Variants in EIF4G3 observed in about 807,000 individuals in gnomAD.
EIF4G3 encodes eIF-4-gamma 3.
In EIF4G3, 34 loss-of-function variants were observed where a neutral mutation model predicts 186.4. The observed-to-expected ratio is 0.18, with a 90% CI of 0.14 to 0.24. The LOEUF (loss-of-function observed/expected upper bound fraction) is 0.24, where lower values mean the gene tolerates loss of function less well. EIF4G3 is among the 10% of genes least tolerant of loss of function. EIF4G3 has a pLI of 1.00. For synonymous variants in EIF4G3, 673 were observed against 679.5 expected (o/e 0.99, Z 0.15); for missense variants, 1,536 against 1,948.5 (o/e 0.79, Z 3.99).
At chr1:21,142,358 T>C (rs1236051982) in intron 2 of EIF4G3, among the ~76,000 whole-genome samples, 1 of 149,402 alleles carries the variant, frequency 6.7e-6, no homozygotes, top group Non-Finnish European at 1.5e-5. Context: ...ATACAAAAAT[T>C]AGCCAGTGTG....
At chr1:20,920,859 T>A (rs1459418197) in intron 14 of EIF4G3, among the ~76,000 whole-genome samples, 1 of 152,202 alleles carries the variant, frequency 6.6e-6, no homozygotes, top group Admixed American at 6.5e-5. Flanking sequence ...TTCCTGATAG[T>A]AAATGCAGGA....
chr1:20,923,023 T>A (rs947404026), intron 14 of EIF4G3, among the ~76,000 whole-genome samples: 2 of 152,122 alleles, frequency 1.3e-5, no homozygotes, highest in African/African-American at 4.8e-5. Context: ...ACAGAGAGAT[T>A]ATAAGTTTCC....
At chr1:20,876,697 A>C (rs1403836827) in intron 20 of EIF4G3, among the ~76,000 whole-genome samples, 1 of 152,114 alleles carries the variant, frequency 6.6e-6, no homozygotes, top group East Asian at 1.9e-4. Context: ...GTTATCTTAT[A>C]ATTTAAAATA....
intron 29 of EIF4G3, among the ~76,000 whole-genome samples, chr1:20,844,661 T>C (rs1228784431): frequency 2.0e-5 from 3 of 152,174 alleles, no homozygotes; most frequent in South Asian, 2.1e-4. Context: ...CGAAACCCCG[T>C]CTCTACTAAA....
chr1:20,952,787 T>C (rs1423473870), intron 12 of EIF4G3, among the ~76,000 whole-genome samples: 2 of 151,942 alleles, frequency 1.3e-5, no homozygotes, highest in Admixed American at 1.3e-4. Context: ...GAGGTGGAGG[T>C]TGCAGTGAGC....
At chr1:20,923,767 G>T (rs978647164) in intron 14 of EIF4G3, among the ~76,000 whole-genome samples, 1 of 150,740 alleles carries the variant, frequency 6.6e-6, no homozygotes, top group African/African-American at 2.4e-5. Flanking sequence ...CACTCTAACA[G>T]GGACCATCAC....
At chr1:21,007,317 G>T (rs1293292692) in intron 4 of EIF4G3, among the ~76,000 whole-genome samples, 1 of 151,902 alleles carries the variant, frequency 6.6e-6, no homozygotes, top group Non-Finnish European at 1.5e-5. Flanking sequence ...AGAATTGCTT[G>T]AACTCGGGAG....
At chr1:20,868,958 C>T (rs1302305519) in intron 20 of EIF4G3, among the ~76,000 whole-genome samples, 1 of 152,106 alleles carries the variant, frequency 6.6e-6, no homozygotes, top group Non-Finnish European at 1.5e-5. Context: ...AGCAACAGGG[C>T]CTATACTGCT....
chr1:20,859,417 G>A (rs2075845865), intron 24 of EIF4G3, among the ~76,000 whole-genome samples: 1 of 152,144 alleles, frequency 6.6e-6, no homozygotes, highest in African/African-American at 2.4e-5. Flanking sequence ...ACTTCACTAT[G>A]AGCTCTACTG....
intron 14 of EIF4G3, among the ~76,000 whole-genome samples, chr1:20,919,512 TTTC>T (rs1462613646): frequency 6.6e-6 from 1 of 152,178 alleles, no homozygotes; most frequent in Non-Finnish European, 1.5e-5. Context: ...ACCCCATATT[TTTC>T]TTATCATCAT....
chr1:20,866,731 G>A (rs769355137), intron 20 of EIF4G3, among the ~76,000 whole-genome samples: 2 of 152,078 alleles, frequency 1.3e-5, no homozygotes, highest in South Asian at 2.1e-4. Flanking sequence ...TCAAAAGCAG[G>A]TTGGCATACA....
chr1:20,997,485 T>C, intron 7 of EIF4G3, 116 bp downstream of exon 7: 1 of 1,009,366 alleles, frequency 9.9e-7, no homozygotes. Context: ...TAAAAGCTAC[T>C]CTTGAAATGA....
rs59789920 is a variant in EIF4G3, at chr1:20,891,789, C to CA, written c.2253+1727dup. On this transcript the variant is annotated intron_variant, in intron 18 of 36. Transcript: ENST00000602326. ...TGGGCGACAGAGCGACACTCTGTCT[C>CA]AAAAAAAAAAAAAAGGGTATAAAAT... Among the ~76,000 whole-genome samples, 586 of 99,806 alleles carry CA rather than the reference C, an allele frequency of 5.9e-3. 3 individuals carry two copies. The highest frequency in any genetic ancestry group is 0.035 in the East Asian group (134 of 3,786). The allele number at this position is 99,806 out of a possible 152,430, so 65.5% of individuals were successfully genotyped here. A position where few individuals can be genotyped will look rare whatever the true frequency, so the allele number is the denominator to read the frequency against.
chr1:21,050,936 T>G lies in EIF4G3; in HGVS notation c.-137A>C. ...AAGATTTGGATGCCCCTTGTTTATT[T>G]CATGTGCTGAATAAGGGGATGGGGT... is the stretch of plus-strand genomic sequence containing the variant. On this transcript the variant is annotated 5_prime_UTR_variant, in exon 4 of 37. Coordinates refer to ENST00000602326, the MANE Select transcript of EIF4G3 (RefSeq NM_001391906.1). 1.4e-6 allele frequency: 1 copy of G among 716,848 alleles called. No individual in the cohort carries two copies. The highest frequency in any genetic ancestry group is 1.7e-5 in the African/African-American group (1 of 57,358). 44.4% of individuals were successfully genotyped at this position (716,848 alleles called of 1,614,324 possible).
intron 2 of EIF4G3, among the ~76,000 whole-genome samples, chr1:21,140,370 G>GTAGCGTGA (rs2097316406): frequency 6.6e-6 from 1 of 152,116 alleles, no homozygotes; most frequent in African/African-American, 2.4e-5. Flanking sequence ...CTGGAGTGCA[G>GTAGCGTGA]TAGCGTGATC....
intron 12 of EIF4G3, among the ~76,000 whole-genome samples, chr1:20,966,187 T>C (rs775133271): frequency 2.6e-5 from 4 of 152,210 alleles, no homozygotes; most frequent in Non-Finnish European, 4.4e-5. Flanking sequence ...CAATTATGTC[T>C]AACTCAAAGC....
At chr1:20,873,191 G>A (rs1176022881) in intron 20 of EIF4G3, among the ~76,000 whole-genome samples, 1 of 152,126 alleles carries the variant, frequency 6.6e-6, no homozygotes, top group Admixed American at 6.6e-5. Flanking sequence ...ACTTACTCTT[G>A]TGAGAATCCA....
intron 3 of EIF4G3, among the ~76,000 whole-genome samples, chr1:21,078,404 T>A (rs1189654338): frequency 1.3e-5 from 2 of 152,038 alleles, no homozygotes; most frequent in Non-Finnish European, 2.9e-5. Context: ...AAAAAATTCA[T>A]CTCATGTAGG....
At position 20,973,954 on chromosome 1, in the gene EIF4G3, T is replaced by C. The variant is rs542051012; in HGVS notation, c.494-855A>G. ...CTGGATGGTTTGAGGGTAGAGCCTA[T>C]AGATTTGCTGATGAATTGGATACTG... On this transcript the variant is annotated intron_variant, in intron 10 of 36. Coordinates refer to ENST00000602326, the MANE Select transcript of EIF4G3 (RefSeq NM_001391906.1). Among the ~76,000 whole-genome samples the C allele has an allele frequency of 3.0e-4, 45 of 152,288 alleles. No homozygotes were observed. The East Asian group carries it at 4.0e-3, about 14-fold the overall frequency.
Sources: allele counts gnomAD v4.1 joint callset (sites outside exome capture counted in the v4.1 genomes callset), GRCh38; gene constraint gnomAD v4.1.1; transcripts MANE v1.5; gene names NCBI Gene and HGNC (gene_info 2026-07-23, HGNC 2026-07-21).